Variants in STK39 observed in about 807,000 individuals in gnomAD.
The protein encoded by STK39 is STE20/SPS1-related proline-alanine-rich protein kinase.
A neutral mutation model predicts 77.8 loss-of-function variants in STK39; 20 were observed. The ratio of observed to expected loss-of-function variants is 0.26; its 90% confidence interval spans 0.18 to 0.37. The LOEUF (loss-of-function observed/expected upper bound fraction) is 0.37, where lower values mean the gene tolerates loss of function less well. Among genes scored for constraint, STK39 ranks in the 10% least tolerant of loss-of-function variants. STK39 has a pLI of 1.00. For missense variants in STK39, 479 were observed against 656.5 expected (o/e 0.73, Z 2.95); for synonymous variants, 246 against 234.1 (o/e 1.05, Z -0.47).
intron 16 of STK39, among the ~76,000 whole-genome samples, chr2:167,994,725 C>T (rs1378370364): frequency 6.6e-6 from 1 of 152,172 alleles, no homozygotes; most frequent in Non-Finnish European, 1.5e-5. Flanking sequence ...GCTTCTTACA[C>T]TTAGCATAAT....
chr2:167,980,904 T>C (rs772688979), intron 16 of STK39, among the ~76,000 whole-genome samples: 3 of 151,594 alleles, frequency 2.0e-5, no homozygotes, highest in Non-Finnish European at 2.9e-5. Flanking sequence ...TTTTAATGTG[T>C]AGTAATTTCC....
At chr2:168,187,823 T>C (rs988039025) in intron 1 of STK39, among the ~76,000 whole-genome samples, 12 of 152,216 alleles carry the variant, frequency 7.9e-5, no homozygotes, top group Non-Finnish European at 1.8e-4. Context: ...ATAAGAACTT[T>C]ACGTTAAAGT....
At chr2:167,987,607 C>T (rs1220528030) in intron 16 of STK39, among the ~76,000 whole-genome samples, 1 of 152,112 alleles carries the variant, frequency 6.6e-6, no homozygotes, top group Non-Finnish European at 1.5e-5. Flanking sequence ...CTAGGAAGGG[C>T]ATGGCAGAGG....
intron 16 of STK39, among the ~76,000 whole-genome samples, chr2:167,973,233 G>A (rs540447380): frequency 6.6e-6 from 1 of 151,858 alleles, no homozygotes; most frequent in South Asian, 2.1e-4. Flanking sequence ...AAGATTATTG[G>A]TAAAATAAAG....
intron 1 of STK39, among the ~76,000 whole-genome samples, chr2:168,221,367 C>T (rs1466360261): frequency 6.7e-6 from 1 of 150,216 alleles, no homozygotes; most frequent in Non-Finnish European, 1.5e-5. Context: ...TACACACACA[C>T]TTACATGTAT....
chr2:167,969,498 C>T (rs1294603555), intron 16 of STK39, among the ~76,000 whole-genome samples: 1 of 152,144 alleles, frequency 6.6e-6, no homozygotes, highest in African/African-American at 2.4e-5. Flanking sequence ...TTCCATAACT[C>T]CATTCTCCTC....
chr2:168,212,545 T>C (rs181226348), intron 1 of STK39, among the ~76,000 whole-genome samples: 148 of 152,330 alleles, frequency 9.7e-4, no homozygotes, highest in African/African-American at 3.4e-3. Context: ...CTCACTGGTA[T>C]AACCTGATAA....
intron 1 of STK39, among the ~76,000 whole-genome samples, chr2:168,219,247 C>T (rs549618551): frequency 6.6e-6 from 1 of 151,684 alleles, no homozygotes; most frequent in South Asian, 2.1e-4. Context: ...GATTGAGCCA[C>T]TGCACTCCAG....
chr2:168,103,807 T>C (rs939629334), intron 10 of STK39, among the ~76,000 whole-genome samples: 3 of 152,226 alleles, frequency 2.0e-5, no homozygotes, highest in Admixed American at 6.5e-5. Context: ...CTTTCATAAT[T>C]ACTTATTTAG....
intron 5 of STK39, among the ~76,000 whole-genome samples, chr2:168,148,884 T>C (rs1045546538): frequency 4.6e-5 from 7 of 152,174 alleles, no homozygotes; most frequent in African/African-American, 1.7e-4. Context: ...TGCTTTAAAA[T>C]TGAACAGGCC....
intron 1 of STK39, among the ~76,000 whole-genome samples, chr2:168,182,471 G>T (rs1689104849): frequency 1.3e-5 from 2 of 152,094 alleles, no homozygotes; most frequent in Admixed American, 1.3e-4. Flanking sequence ...CTACTTCAAG[G>T]CTTTCATGAG....
intron 10 of STK39, among the ~76,000 whole-genome samples, chr2:168,082,200 G>A (rs1208059676): frequency 6.6e-6 from 1 of 152,112 alleles, no homozygotes; most frequent in Non-Finnish European, 1.5e-5. Flanking sequence ...GCCAGGCCCT[G>A]CCTCCTCTAC....
chr2:168,094,370 A>G (rs1342510235), intron 10 of STK39, among the ~76,000 whole-genome samples: 1 of 152,044 alleles, frequency 6.6e-6, no homozygotes, highest in Non-Finnish European at 1.5e-5. Flanking sequence ...CCCCCTCCAC[A>G]CTGAACTTTT....
At chr2:168,229,586 A>T (rs757607597) in intron 1 of STK39, among the ~76,000 whole-genome samples, 4 of 152,182 alleles carry the variant, frequency 2.6e-5, no homozygotes, top group Non-Finnish European at 5.9e-5. Flanking sequence ...TGAAACGGGG[A>T]ATAAAATATT....
chr2:168,116,456 T>TTTAA (rs1386672346), intron 10 of STK39, among the ~76,000 whole-genome samples: 1 of 152,212 alleles, frequency 6.6e-6, no homozygotes, highest in Non-Finnish European at 1.5e-5. Flanking sequence ...TCCCTTGAAT[T>TTTAA]TTAATTTGTT....
chr2:168,088,934 T>G (rs1686442384), intron 10 of STK39, among the ~76,000 whole-genome samples: 1 of 152,222 alleles, frequency 6.6e-6, no homozygotes. Flanking sequence ...ATAAAGGTGA[T>G]ATCTGAGATT....
At chr2:168,241,498 C>T (rs1690756521) in intron 1 of STK39, among the ~76,000 whole-genome samples, 1 of 152,182 alleles carries the variant, frequency 6.6e-6, no homozygotes, top group Non-Finnish European at 1.5e-5. Context: ...TCCAAATTGC[C>T]AGGAGCTCCA....
intron 10 of STK39, among the ~76,000 whole-genome samples, chr2:168,082,512 G>A (rs1686261382): frequency 6.6e-6 from 1 of 152,174 alleles, no homozygotes; most frequent in South Asian, 2.1e-4. Context: ...ACACTGTCTT[G>A]TAGACACTGC....
At chr2:167,988,535 G>A (rs536884748) in intron 16 of STK39, among the ~76,000 whole-genome samples, 1 of 152,148 alleles carries the variant, frequency 6.6e-6, no homozygotes, top group East Asian at 1.9e-4. Context: ...AGTTAAAGCT[G>A]TAGAAAAGCA....
Sources: allele counts gnomAD v4.1 joint callset (sites outside exome capture counted in the v4.1 genomes callset), GRCh38; gene constraint gnomAD v4.1.1; transcripts MANE v1.5; gene names NCBI Gene and HGNC (gene_info 2026-07-23, HGNC 2026-07-21).